The following PDE1C variants were observed in gnomAD, a reference collection of about 807,000 sequenced individuals.
The protein encoded by PDE1C is dual specificity calcium/calmodulin-dependent 3',5'-cyclic nucleotide phosphodiesterase 1C.
Under a neutral mutation model 93.1 loss-of-function variants are expected in PDE1C, and 62 were observed. That is an observed-to-expected ratio of 0.67 (90% CI 0.54 to 0.82). PDE1C has a LOEUF of 0.82. Among genes scored for constraint, PDE1C ranks in the 40% least tolerant of loss-of-function variants. The pLI, the probability that PDE1C is intolerant of heterozygous loss-of-function variation, is 0.00. For missense variants in PDE1C, 742 were observed against 884.6 expected, an observed-to-expected ratio of 0.84 and a Z score of 2.04; for synonymous variants, 325 against 310.1, an observed-to-expected ratio of 1.05 and a Z score of -0.50.
chr7:32,175,969 T>G (rs1802958296), intron 2 of PDE1C, among the ~76,000 whole-genome samples: 1 of 152,234 alleles, frequency 6.6e-6, no homozygotes, highest in Non-Finnish European at 1.5e-5. Context: ...TCAGCACACC[T>G]GATGGATTTA....
intron 2 of PDE1C, among the ~76,000 whole-genome samples, chr7:31,903,193 A>C (rs1173139387): frequency 1.3e-5 from 2 of 151,964 alleles, no homozygotes; most frequent in African/African-American, 4.8e-5. Flanking sequence ...TTCAGGAAAA[A>C]TGAGATTTCT....
At chr7:31,674,006 G>T in the PDE1C span, among the ~76,000 whole-genome samples, 1 of 152,112 alleles carries the variant, frequency 6.6e-6, no homozygotes, top group Non-Finnish European at 1.5e-5. Flanking sequence ...TACTATGTGT[G>T]TATTTTTTTG....
In PDE1C at chr7:32,007,481, G is replaced by A. The variant is rs766569664; in HGVS notation, c.128+44073C>T. Among the ~76,000 whole-genome samples, 20 of 152,198 alleles carry A rather than the reference G, an allele frequency of 1.3e-4. No homozygotes were observed. The East Asian group carries it at 2.3e-3, about 18-fold the overall frequency. ...AGGAGGCCACGAGAAGGAATCACAT[G>A]TGTAAAAGGTGGCTTGAATTATTAT... is the stretch of plus-strand genomic sequence containing the variant. On this transcript the variant is annotated intron_variant, in intron 2 of 17. Transcript: ENST00000396191.
At chr7:31,735,327 G>A in the PDE1C span, among the ~76,000 whole-genome samples, 2 of 151,868 alleles carry the variant, frequency 1.3e-5, no homozygotes, top group East Asian at 1.9e-4. Context: ...GAACCCAGGA[G>A]GCGGAGGTTG....
intron 2 of PDE1C, among the ~76,000 whole-genome samples, chr7:32,206,025 C>G (rs117228441): frequency 9.9e-5 from 15 of 152,136 alleles, no homozygotes; most frequent in Non-Finnish European, 4.4e-5. Context: ...CGATTCTAGA[C>G]GCAGTACTGT....
chr7:31,937,197 AG>A (rs1193629122), intron 2 of PDE1C, among the ~76,000 whole-genome samples: 1 of 152,174 alleles, frequency 6.6e-6, no homozygotes, highest in African/African-American at 2.4e-5. Context: ...AAAAGACATC[AG>A]ACTCTGGAAA....
intron 7 of PDE1C, among the ~76,000 whole-genome samples, chr7:31,857,086 C>A (rs1241710315): frequency 3.9e-5 from 6 of 152,156 alleles, no homozygotes; most frequent in African/African-American, 1.4e-4. Context: ...AATACCTCTT[C>A]AAAGGCCATC....
chr7:31,737,017 T>A, the PDE1C span, among the ~76,000 whole-genome samples: 28 of 152,144 alleles, frequency 1.8e-4, no homozygotes, highest in African/African-American at 6.8e-4. Context: ...AGTGGTGTGA[T>A]CATGGCTCAC....
At chr7:32,363,932 A>G (rs572785384) in intron 1 of PDE1C, among the ~76,000 whole-genome samples, 1 of 152,352 alleles carries the variant, frequency 6.6e-6, no homozygotes, top group South Asian at 2.1e-4. Flanking sequence ...TATTCCTCAT[A>G]ACAATTCTAT....
At chr7:32,212,668 T>C (rs1051650635) in intron 1 of PDE1C, among the ~76,000 whole-genome samples, 5 of 152,190 alleles carry the variant, frequency 3.3e-5, no homozygotes, top group East Asian at 1.9e-4. Flanking sequence ...TGCTGCCTGC[T>C]AGCCTTGGTG....
the PDE1C span, among the ~76,000 whole-genome samples, chr7:31,669,874 C>T: frequency 6.6e-6 from 1 of 152,046 alleles, no homozygotes; most frequent in African/African-American, 2.4e-5. Flanking sequence ...GACAAAATAC[C>T]CCTTATTTTC....
chr7:32,118,645 A>C (rs1799122474), intron 3 of PDE1C, among the ~76,000 whole-genome samples: 2 of 152,252 alleles, frequency 1.3e-5, no homozygotes, highest in South Asian at 4.2e-4. Context: ...ACAAGCACAC[A>C]AGACAGAGAG....
At chr7:32,405,354 C>T (rs1326321381) in intron 1 of PDE1C, among the ~76,000 whole-genome samples, 5 of 151,360 alleles carry the variant, frequency 3.3e-5, no homozygotes, top group South Asian at 4.1e-4. Flanking sequence ...CAGGTTCAAG[C>T]GATTCTCCTG....
At chr7:31,626,544 C>T in the PDE1C span, among the ~76,000 whole-genome samples, 1 of 152,150 alleles carries the variant, frequency 6.6e-6, no homozygotes, top group African/African-American at 2.4e-5. Flanking sequence ...ATGGATACAA[C>T]TGTTTAATTT....
At chr7:31,673,716 T>A in the PDE1C span, among the ~76,000 whole-genome samples, 3 of 151,804 alleles carry the variant, frequency 2.0e-5, no homozygotes, top group East Asian at 3.9e-4. Context: ...AAACTAGTTT[T>A]TTTTTTTTTA....
chr7:32,067,625 AC>A (rs1424957715), intron 1 of PDE1C, among the ~76,000 whole-genome samples: 1 of 152,120 alleles, frequency 6.6e-6, no homozygotes, highest in Admixed American at 6.5e-5. Flanking sequence ...CCACATGATC[AC>A]CACAGTGGGA....
chr7:31,839,567 T>C (rs1051453462), intron 9 of PDE1C, among the ~76,000 whole-genome samples: 2 of 152,220 alleles, frequency 1.3e-5, no homozygotes, highest in South Asian at 4.1e-4. Context: ...CACAGTTTGT[T>C]ATCCATTTAC....
intron 3 of PDE1C, among the ~76,000 whole-genome samples, chr7:32,108,972 T>G (rs1439578194): frequency 6.6e-6 from 1 of 152,116 alleles, no homozygotes; most frequent in East Asian, 1.9e-4. Context: ...TGGCCTTCAC[T>G]CCAGGACTTC....
chr7:32,108,376 C>A (rs1217583410), intron 3 of PDE1C, among the ~76,000 whole-genome samples: 2 of 151,100 alleles, frequency 1.3e-5, no homozygotes, highest in Non-Finnish European at 3.0e-5. Flanking sequence ...ATTAAAAATT[C>A]AGTCAAAACA....
Sources: allele counts gnomAD v4.1 joint callset (sites outside exome capture counted in the v4.1 genomes callset), GRCh38; gene constraint gnomAD v4.1.1; transcripts MANE v1.5; gene names NCBI Gene and HGNC (gene_info 2026-07-23, HGNC 2026-07-21).